The following AGBL4 variants were observed in gnomAD, a reference collection of about 807,000 sequenced individuals.
AGBL4 encodes the protein cytosolic carboxypeptidase 6.
A neutral mutation model predicts 66.4 loss-of-function variants in AGBL4; 58 were observed. The observed-to-expected ratio is 0.87, with a 90% CI of 0.71 to 1.09. The LOEUF (loss-of-function observed/expected upper bound fraction) is 1.09, where lower values mean the gene tolerates loss of function less well. Ranked by LOEUF, AGBL4 falls within the 50% of genes least tolerant of loss-of-function variation. AGBL4 has a pLI of 0.00. For synonymous variants in AGBL4, 234 were observed against 222.9 expected, an observed-to-expected ratio of 1.05 and a Z score of -0.44; for missense variants, 579 against 631.0, an observed-to-expected ratio of 0.92 and a Z score of 0.88.
Position 49,851,083 on chromosome 1 carries a change from G to A in AGBL4, c.157+313C>T, listed in dbSNP as rs186303246. 1.1e-3 allele frequency among the ~76,000 whole-genome samples: 161 copies of A among 152,064 alleles called. 4 individuals carry two copies. The highest frequency in any genetic ancestry group is 4.2e-4 in the South Asian group (2 of 4,818). ...CTAGATAGATATTATTCAATAAATC[G>A]TAATTGATAATACAGTCAAACATGA... On this transcript the variant is annotated intron_variant, in intron 2 of 13. Coordinates refer to ENST00000371839, the MANE Select transcript of AGBL4 (RefSeq NM_032785.4).
At chr1:49,169,021 A>T (rs1036840870) in intron 4 of AGBL4, among the ~76,000 whole-genome samples, 1 of 152,178 alleles carries the variant, frequency 6.6e-6, no homozygotes, top group African/African-American at 2.4e-5. Flanking sequence ...TAACCTGCAT[A>T]TGTATGCTTC....
intron 1 of AGBL4, among the ~76,000 whole-genome samples, chr1:49,869,812 C>T (rs1451867672): frequency 6.6e-6 from 1 of 151,998 alleles, no homozygotes; most frequent in Non-Finnish European, 1.5e-5. Context: ...TACTAGAGAA[C>T]AGGAAGAGAA....
intron 2 of AGBL4, among the ~76,000 whole-genome samples, chr1:49,751,991 T>C (rs976005127): frequency 1.6e-4 from 24 of 151,724 alleles, no homozygotes; most frequent in African/African-American, 5.8e-4. Flanking sequence ...TAGTCTGGCT[T>C]GTGGTCTATT....
At chr1:49,768,196 C>T (rs925356079) in intron 2 of AGBL4, among the ~76,000 whole-genome samples, 2 of 151,912 alleles carry the variant, frequency 1.3e-5, no homozygotes, top group African/African-American at 2.4e-5. Flanking sequence ...TACTGTGACA[C>T]CAAAATCTGT....
chr1:49,073,931 TG>T (rs1361351671), intron 4 of AGBL4, among the ~76,000 whole-genome samples: 1 of 152,198 alleles, frequency 6.6e-6, no homozygotes, highest in Non-Finnish European at 1.5e-5. Context: ...TGCTGCTTTT[TG>T]TTCAGAGATG....
At chr1:49,286,164 C>A (rs544955794) in intron 3 of AGBL4, among the ~76,000 whole-genome samples, 8 of 152,168 alleles carry the variant, frequency 5.3e-5, no homozygotes, top group Admixed American at 6.5e-5. Flanking sequence ...TTCAACAACG[C>A]TTCATGCTAA....
Position 49,007,825 on chromosome 1 carries a change from G to A in AGBL4, c.594+37759C>T, listed in dbSNP as rs1187013533. ...TAAAATACTTTACAGACAAGCAAAT[G>A]CTGAGAGATTTTGTCACCACCAGGC... On this transcript the variant is annotated intron_variant, in intron 5 of 13. Transcript: ENST00000371839. 3.3e-5 allele frequency among the ~76,000 whole-genome samples: 5 copies of A among 151,894 alleles called. No homozygotes were observed. The East Asian group carries it at 9.7e-4, about 29-fold the overall frequency.
chr1:48,637,452 A>G (rs1645685498), intron 8 of AGBL4, among the ~76,000 whole-genome samples: 2 of 152,180 alleles, frequency 1.3e-5, no homozygotes, highest in South Asian at 4.1e-4. Context: ...CTCCATCATT[A>G]CAAGATGAGG....
At chr1:48,707,003 A>T (rs1402648094) in intron 6 of AGBL4, among the ~76,000 whole-genome samples, 1 of 152,188 alleles carries the variant, frequency 6.6e-6, no homozygotes, top group East Asian at 1.9e-4. Context: ...TTGCCTAAAG[A>T]GTTAACTTGG....
At chr1:48,911,927 T>C (rs1387800000) in intron 5 of AGBL4, among the ~76,000 whole-genome samples, 1 of 152,200 alleles carries the variant, frequency 6.6e-6, no homozygotes, top group Non-Finnish European at 1.5e-5. Context: ...TTATAAATAA[T>C]TGCATTATTT....
In AGBL4 at chr1:50,023,750, C is replaced by A; in HGVS notation, c.34+13G>T. 6.5e-7 allele frequency: 1 copy of A among 1,548,166 alleles called. No individual in the cohort carries two copies. Among genetic ancestry groups the A allele is most frequent in the Non-Finnish European group, 8.7e-7 (1 of 1,145,512 alleles). ...CCGCCTCAGCCTTCCCCAGATCGGC[C>A]GCCCCCACAGACCTGCCTCAGGCGC... On this transcript the variant is annotated intron_variant, in intron 1 of 13. Coordinates refer to ENST00000371839, the MANE Select transcript of AGBL4 (RefSeq NM_032785.4).
intron 6 of AGBL4, among the ~76,000 whole-genome samples, chr1:48,678,428 C>T (rs1282989426): frequency 5.3e-5 from 8 of 152,220 alleles, no homozygotes; most frequent in Admixed American, 3.9e-4. Context: ...GTCCCTTCCA[C>T]TCACACACAT....
chr1:48,567,328 G>A (rs1644492990), intron 11 of AGBL4, among the ~76,000 whole-genome samples: 1 of 152,154 alleles, frequency 6.6e-6, no homozygotes, highest in South Asian at 2.1e-4. Context: ...CATTCCTGGG[G>A]TCCCAGAGGA....
intron 3 of AGBL4, among the ~76,000 whole-genome samples, chr1:49,361,144 G>A (rs1644127237): frequency 6.6e-6 from 1 of 152,078 alleles, no homozygotes; most frequent in Admixed American, 6.6e-5. Flanking sequence ...CACCTTCTCA[G>A]TGGATTTTCT....
intron 11 of AGBL4, among the ~76,000 whole-genome samples, chr1:48,548,067 G>T (rs1019245269): frequency 6.6e-6 from 1 of 152,076 alleles, no homozygotes; most frequent in Non-Finnish European, 1.5e-5. Flanking sequence ...AGACACTTGG[G>T]ATATACAGTG....
chr1:48,609,132 G>A (rs747587582), intron 9 of AGBL4, among the ~76,000 whole-genome samples: 5 of 152,084 alleles, frequency 3.3e-5, no homozygotes, highest in Non-Finnish European at 7.3e-5. Context: ...GATAAATGAC[G>A]GAGACAAATG....
At chr1:49,071,746 G>T (rs775372311) in intron 4 of AGBL4, among the ~76,000 whole-genome samples, 1 of 151,922 alleles carries the variant, frequency 6.6e-6, no homozygotes, top group Non-Finnish European at 1.5e-5. Context: ...GAGTTCTGTA[G>T]ATGTATATTA....
At chr1:49,191,517 C>G (rs1052561806) in intron 4 of AGBL4, among the ~76,000 whole-genome samples, 1 of 152,160 alleles carries the variant, frequency 6.6e-6, no homozygotes, top group Non-Finnish European at 1.5e-5. Flanking sequence ...TACATGAGTA[C>G]ACTACTTGTC....
At chr1:49,412,205 C>T (rs752461401) in intron 3 of AGBL4, among the ~76,000 whole-genome samples, 1 of 152,116 alleles carries the variant, frequency 6.6e-6, no homozygotes, top group Non-Finnish European at 1.5e-5. Context: ...AAAATCTATT[C>T]TCACAGTTCT....
Sources: allele counts gnomAD v4.1 joint callset (sites outside exome capture counted in the v4.1 genomes callset), GRCh38; gene constraint gnomAD v4.1.1; transcripts MANE v1.5; gene names NCBI Gene and HGNC (gene_info 2026-07-23, HGNC 2026-07-21).